Variants in ZNF804A observed in about 807,000 individuals in gnomAD.
ZNF804A encodes the protein zinc finger protein 804A.
In ZNF804A, 2 loss-of-function variants were observed where a neutral mutation model predicts 16.5. The ratio of observed to expected loss-of-function variants is 0.12; its 90% CI spans 0.05 to 0.38. ZNF804A has a LOEUF of 0.38. Among genes scored for constraint, ZNF804A ranks in the 10% least tolerant of loss-of-function variants. ZNF804A has a pLI of 0.99. For synonymous variants in ZNF804A, 534 were observed against 489.6 expected (o/e 1.09, Z -1.20); for missense variants, 1,473 against 1,390.7 (o/e 1.06, Z -0.94).
At chr2:184,927,905 C>T (rs1301377214) in intron 2 of ZNF804A, among the ~76,000 whole-genome samples, 2 of 152,008 alleles carry the variant, frequency 1.3e-5, no homozygotes, top group Non-Finnish European at 2.9e-5. Flanking sequence ...AAGGCGGATC[C>T]AGAAATGCCA....
chr2:184,879,695 G>A (rs1684778648), intron 2 of ZNF804A, among the ~76,000 whole-genome samples: 1 of 151,958 alleles, frequency 6.6e-6, no homozygotes, highest in Admixed American at 6.6e-5. Context: ...TAATTTTTTG[G>A]TACTGACACA....
intron 1 of ZNF804A, among the ~76,000 whole-genome samples, chr2:184,703,498 C>G (rs1052639065): frequency 6.6e-6 from 1 of 151,262 alleles, no homozygotes; most frequent in Non-Finnish European, 1.5e-5. Flanking sequence ...ATCAGGAGAT[C>G]GAGACCACGG....
At position 184,734,310 on chromosome 2, in the gene ZNF804A, T is replaced by C. The variant is rs1693575039; in HGVS notation, c.112-132059T>C. 2.0e-5 allele frequency among the ~76,000 whole-genome samples: 3 copies of C among 152,218 alleles called. No individual in the cohort carries two copies. The South Asian group carries it at 6.2e-4, about 32-fold the overall frequency. On this transcript the variant is annotated intron_variant, in intron 1 of 3. Transcript: ENST00000302277. ...TTTTTCAAATATGTGCTTTATTCTGTAAATTACCGTCTAAACACTGTTTTT... is the reference window on the plus strand; with the variant it reads ...TTTTTCAAATATGTGCTTTATTCTGCAAATTACCGTCTAAACACTGTTTTT...
Position 184,936,561 on chromosome 2 carries a change from G to T in ZNF804A, c.1165G>T (p.Glu389Ter). 1 of 1,614,006 alleles carries T rather than the reference G, an allele frequency of 6.2e-7. No individual in the cohort carries two copies. ...TAAGCATAACGAGGCATCCACAACT[G>T]AGGTTGAAAATAAAAATGGTCCCGA... ...NVKHNEASTT[E>*]VENKNGPETL... The change falls in exon 4 of 4, where the codon GAG becomes TAG. Residue 389 changes from glutamate to a stop codon, truncating the protein, a stop_gained. Coordinates refer to ENST00000302277, the MANE Select transcript of ZNF804A (RefSeq NM_194250.2). LOFTEE classifies it low-confidence loss of function (END_TRUNC).
chr2:184,603,307 T>A (rs359898), intron 1 of ZNF804A, among the ~76,000 whole-genome samples: 151,708 of 152,222 alleles, frequency 1, 75,602 homozygotes, highest in Middle Eastern at 1. Context: ...TGTTAAAAAA[T>A]ATATTCACAT....
chr2:184,846,511 T>G (rs966305873), intron 1 of ZNF804A, among the ~76,000 whole-genome samples: 1 of 152,076 alleles, frequency 6.6e-6, no homozygotes, highest in Non-Finnish European at 1.5e-5. Context: ...TATGTATGGA[T>G]TTTATATATA....
chr2:184,622,051 C>T (rs983305263), intron 1 of ZNF804A, among the ~76,000 whole-genome samples: 9 of 151,704 alleles, frequency 5.9e-5, no homozygotes, highest in African/African-American at 1.9e-4. Flanking sequence ...TTTATCCTAA[C>T]GGAACGCTAT....
intron 2 of ZNF804A, among the ~76,000 whole-genome samples, chr2:184,884,992 A>G (rs972625876): frequency 6.6e-5 from 10 of 152,172 alleles, no homozygotes; most frequent in Non-Finnish European, 1.3e-4. Flanking sequence ...GAGTTAAACA[A>G]ATTTATAAGA....
intron 1 of ZNF804A, among the ~76,000 whole-genome samples, chr2:184,707,648 C>T (rs780654636): frequency 1.9e-4 from 29 of 152,016 alleles, no homozygotes; most frequent in Admixed American, 4.6e-4. Context: ...AATAGTATTC[C>T]GTGGTGTATA....
intron 1 of ZNF804A, among the ~76,000 whole-genome samples, chr2:184,756,694 A>C (rs916332728): frequency 2.0e-5 from 3 of 152,006 alleles, no homozygotes; most frequent in African/African-American, 7.2e-5. Context: ...AATGGTCTTA[A>C]TGTGTGTATG....
chr2:184,792,145 C>T (rs984697880), intron 1 of ZNF804A, among the ~76,000 whole-genome samples: 5 of 152,108 alleles, frequency 3.3e-5, no homozygotes, highest in East Asian at 3.9e-4. Context: ...AGCTTTTGTA[C>T]GGGCTTAAGC....
chr2:184,773,864 A>T (rs1446680992), intron 1 of ZNF804A, among the ~76,000 whole-genome samples: 1 of 151,926 alleles, frequency 6.6e-6, no homozygotes, highest in Non-Finnish European at 1.5e-5. Flanking sequence ...AAACAGCAAG[A>T]GGGGAGCCAA....
intron 2 of ZNF804A, among the ~76,000 whole-genome samples, chr2:184,871,766 T>C (rs908504434): frequency 2.6e-5 from 4 of 151,960 alleles, no homozygotes; most frequent in African/African-American, 9.7e-5. Context: ...AATAAAAGAT[T>C]AGTTGATTTA....
Position 184,932,426 on chromosome 2 carries a change from A to T in ZNF804A, c.256-1177A>T, listed in dbSNP as rs1334657679. Among the ~76,000 whole-genome samples, 3 of 152,288 alleles carry T rather than the reference A, an allele frequency of 2.0e-5. No homozygotes were observed. In the East Asian group the frequency reaches 5.8e-4, roughly 29 times the overall value. The stretch of plus-strand genomic sequence containing the variant: ...AAGTCACGTCTTACATGGAGGCAGG[A>T]AAGAGAGCATGTGCAAGGAAACTCC... On this transcript the variant is annotated intron_variant, in intron 2 of 3. Coordinates refer to ENST00000302277, the MANE Select transcript of ZNF804A (RefSeq NM_194250.2).
At chr2:184,619,471 C>T (rs1691383873) in intron 1 of ZNF804A, among the ~76,000 whole-genome samples, 1 of 151,214 alleles carries the variant, frequency 6.6e-6, no homozygotes. Context: ...TTATTAATGG[C>T]AATAAAGGAA....
chr2:184,850,975 A>G lies in ZNF804A; in HGVS notation c.112-15394A>G, dbSNP rs1490060317. Among the ~76,000 whole-genome samples, 20 of 151,720 alleles carry G rather than the reference A, an allele frequency of 1.3e-4. No homozygotes were observed. In the Admixed American group the frequency reaches 1.3e-3, roughly 10 times the overall value. On this transcript the variant is annotated intron_variant, in intron 1 of 3. Coordinates refer to ENST00000302277, the MANE Select transcript of ZNF804A (RefSeq NM_194250.2). ...ACTGGGTACCACACTCCCAACCATGAGCGGTTATTTTAATAATATATGAAT... is the reference window on the plus strand; with the variant it reads ...ACTGGGTACCACACTCCCAACCATGGGCGGTTATTTTAATAATATATGAAT...
chr2:184,677,118 T>C (rs1437502306), intron 1 of ZNF804A, among the ~76,000 whole-genome samples: 1 of 151,918 alleles, frequency 6.6e-6, no homozygotes, highest in Non-Finnish European at 1.5e-5. Flanking sequence ...GTTCTGATGA[T>C]TTCAGCTACA....
At chr2:184,634,120 G>A (rs1158706560) in intron 1 of ZNF804A, among the ~76,000 whole-genome samples, 1 of 152,164 alleles carries the variant, frequency 6.6e-6, no homozygotes, top group Admixed American at 6.5e-5. Flanking sequence ...CAATATATCA[G>A]TTGCTAGATC....
At chr2:184,681,924 C>T (rs1692547148) in intron 1 of ZNF804A, among the ~76,000 whole-genome samples, 1 of 152,228 alleles carries the variant, frequency 6.6e-6, no homozygotes, top group African/African-American at 2.4e-5. Flanking sequence ...CTCCTGGCAC[C>T]TGATCCAATT....
Sources: gnomAD v4.1 joint callset for allele counts (sites outside exome capture counted in the v4.1 genomes callset) on GRCh38, gnomAD v4.1.1 for gene constraint, MANE v1.5 for transcripts, NCBI Gene and HGNC (gene_info 2026-07-23, HGNC 2026-07-21) for gene names.